Variants in ROR1 observed in about 807,000 individuals in gnomAD.
ROR1 encodes inactive tyrosine-protein kinase transmembrane receptor ROR1.
In ROR1, 19 loss-of-function variants were observed where a neutral mutation model predicts 78.8. The observed-to-expected ratio is 0.24, with a 90% CI of 0.17 to 0.35. The LOEUF is 0.35. ROR1 is among the 10% of genes least tolerant of loss of function. The probability of loss-of-function intolerance (pLI) is 1.00; values close to 1 mark genes in which losing one functional copy is unlikely to be tolerated. For synonymous variants in ROR1, 386 were observed against 433.6 expected (o/e 0.89, Z 1.36); for missense variants, 917 against 1,177.8 (o/e 0.78, Z 3.24).
intron 4 of ROR1, among the ~76,000 whole-genome samples, chr1:64,092,694 A>G (rs1405684713): frequency 6.6e-6 from 1 of 152,180 alleles, no homozygotes; most frequent in East Asian, 1.9e-4. Flanking sequence ...ACCAGACTGG[A>G]TTATCTTTAA....
intron 1 of ROR1, among the ~76,000 whole-genome samples, chr1:63,850,153 G>A (rs1007049966): frequency 6.6e-6 from 1 of 152,162 alleles, no homozygotes. Context: ...CATACATCTT[G>A]CTATTTTTGC....
chr1:63,921,936 T>C (rs1645658586), intron 1 of ROR1, among the ~76,000 whole-genome samples: 1 of 152,184 alleles, frequency 6.6e-6, no homozygotes, highest in South Asian at 2.1e-4. Flanking sequence ...GAGTCTGTCT[T>C]CAGCAGTAGG....
At chr1:63,836,564 C>T (rs1645019887) in intron 1 of ROR1, among the ~76,000 whole-genome samples, 1 of 152,086 alleles carries the variant, frequency 6.6e-6, no homozygotes, top group South Asian at 2.1e-4. Context: ...TACTAAAGTC[C>T]AGAGGTTATA....
intron 1 of ROR1, among the ~76,000 whole-genome samples, chr1:63,837,737 G>A (rs671221): frequency 0.18 from 27,295 of 151,934 alleles, 5,383 homozygotes; most frequent in African/African-American, 0.5. Context: ...AGGAGGATCA[G>A]TTGAGCCCAG....
intron 2 of ROR1, among the ~76,000 whole-genome samples, chr1:64,025,644 C>T (rs880001907): frequency 1.3e-5 from 2 of 151,420 alleles, no homozygotes; most frequent in African/African-American, 4.9e-5. Flanking sequence ...TATATATACA[C>T]ACATATACAC....
chr1:64,118,307 T>G (rs915236399), intron 4 of ROR1, among the ~76,000 whole-genome samples: 1 of 152,188 alleles, frequency 6.6e-6, no homozygotes, highest in African/African-American at 2.4e-5. Flanking sequence ...CCTTTCTGTA[T>G]TTAGCAGTAT....
chr1:63,786,256 ATTTTTTTTTTTTTTTTTTTTT>A, intron 1 of ROR1, among the ~76,000 whole-genome samples: 1 of 67,512 alleles, frequency 1.5e-5, no homozygotes, highest in Admixed American at 2.4e-4. Flanking sequence ...CTACAACTTG[ATTTTTTTTTTTTTTTTTTTTT>A]TTTTTTTTTT....
At chr1:64,175,621 A>G (rs1650359433) in intron 8 of ROR1, among the ~76,000 whole-genome samples, 1 of 152,330 alleles carries the variant, frequency 6.6e-6, no homozygotes, top group East Asian at 1.9e-4. Flanking sequence ...TTGATGAACA[A>G]ATAAGACCAA....
chr1:64,170,460 C>G (rs1216534750), intron 8 of ROR1, among the ~76,000 whole-genome samples: 1 of 152,132 alleles, frequency 6.6e-6, no homozygotes, highest in African/African-American at 2.4e-5. Context: ...GCAGAGGGAC[C>G]CTGGTCCCAG....
intron 1 of ROR1, among the ~76,000 whole-genome samples, chr1:63,917,749 ACTG>A (rs748583830): frequency 6.6e-6 from 1 of 152,164 alleles, no homozygotes; most frequent in Non-Finnish European, 1.5e-5. Flanking sequence ...ACAGGAAATG[ACTG>A]TGGTTGGTAG....
chr1:63,851,818 T>G (rs1645115776), intron 1 of ROR1, among the ~76,000 whole-genome samples: 1 of 152,266 alleles, frequency 6.6e-6, no homozygotes, highest in Admixed American at 6.5e-5. Context: ...TAAATAATCC[T>G]ATAATCCTTC....
chr1:63,846,115 AG>A (rs1569808965), intron 1 of ROR1, among the ~76,000 whole-genome samples: 7 of 137,120 alleles, frequency 5.1e-5, no homozygotes, highest in African/African-American at 1.7e-4. Flanking sequence ...AGAGAGAGAG[AG>A]AATGTGTGTG....
At chr1:63,895,535 C>T (rs1434822237) in intron 1 of ROR1, among the ~76,000 whole-genome samples, 1 of 152,088 alleles carries the variant, frequency 6.6e-6, no homozygotes, top group Non-Finnish European at 1.5e-5. Flanking sequence ...TGTTTAGTCT[C>T]CCAGACAGAA....
rs188740713 is a variant in ROR1 at position 63,951,479 on chromosome 1, G to A, written c.92-57826G>A. The stretch of plus-strand genomic sequence containing the variant: ...AAAAGAGGGGGGCTGGGGAGAACTC[G>A]TCTCTGAGGAGGGGACAACTTTGAA... On this transcript the variant is annotated intron_variant, in intron 1 of 8. Coordinates refer to ENST00000371079, the MANE Select transcript of ROR1 (RefSeq NM_005012.4). 2.6e-4 allele frequency among the ~76,000 whole-genome samples: 40 copies of A among 152,294 alleles called. No homozygotes were observed. The South Asian group carries it at 5.6e-3, about 21-fold the overall frequency.
At chr1:63,786,639 G>A (rs1046896584) in intron 1 of ROR1, among the ~76,000 whole-genome samples, 3 of 144,094 alleles carry the variant, frequency 2.1e-5, no homozygotes, top group Non-Finnish European at 4.5e-5. Flanking sequence ...TTAAAACTAT[G>A]TAGATAAGGT....
intron 1 of ROR1, among the ~76,000 whole-genome samples, chr1:63,778,813 A>G (rs1224239719): frequency 3.3e-5 from 5 of 152,208 alleles, no homozygotes; most frequent in Non-Finnish European, 7.3e-5. Flanking sequence ...TTTAGGTTAC[A>G]CTGCTAAAAA....
intron 1 of ROR1, among the ~76,000 whole-genome samples, chr1:63,989,021 A>G (rs575902971): frequency 3.3e-5 from 5 of 152,180 alleles, no homozygotes; most frequent in Non-Finnish European, 5.9e-5. Flanking sequence ...TGGAATTCCT[A>G]GATTACATGG....
chr1:63,977,995 AT>A (rs1646175766), intron 1 of ROR1, among the ~76,000 whole-genome samples: 1 of 152,152 alleles, frequency 6.6e-6, no homozygotes, highest in Non-Finnish European at 1.5e-5. Flanking sequence ...TTTTCGTACT[AT>A]TTAGTGTTGG....
In ROR1 at chr1:64,170,929, G is replaced by A. The variant is rs374005279; in HGVS notation, c.1387-6499G>A. On this transcript the variant is annotated intron_variant, in intron 8 of 8. Transcript: ENST00000371079. ...TCTCCATCTGAGACCACCTAAGTCT[G>A]GATTTCATTGTCCTTATCATTATCA... is the stretch of plus-strand genomic sequence containing the variant. 4.6e-5 allele frequency among the ~76,000 whole-genome samples: 7 copies of A among 152,256 alleles called. No individual in the cohort carries two copies. The East Asian group carries it at 7.7e-4, about 17-fold the overall frequency.
Sources: gnomAD v4.1 joint callset for allele counts (sites outside exome capture counted in the v4.1 genomes callset) on GRCh38, gnomAD v4.1.1 for gene constraint, MANE v1.5 for transcripts, NCBI Gene and HGNC (gene_info 2026-07-23, HGNC 2026-07-21) for gene names.